BARD1: variants seen among roughly 807,000 people sequenced by gnomAD.
The protein encoded by BARD1 is BRCA1-associated RING domain protein 1.
Under a neutral mutation model 77.0 loss-of-function variants are expected in BARD1, and 73 were observed. The ratio of observed to expected loss-of-function variants is 0.95; its 90% CI spans 0.79 to 1.15. BARD1 has a LOEUF of 1.15. Ranked by LOEUF, BARD1 falls within the 50% of genes most tolerant of loss-of-function variation. The probability of loss-of-function intolerance (pLI) is 0.00; values close to 1 mark genes in which losing one functional copy is unlikely to be tolerated. For synonymous variants in BARD1, 384 were observed against 338.0 expected (o/e 1.14, Z -1.49); for missense variants, 993 against 938.8 (o/e 1.06, Z -0.75).
At chr2:214,763,706 G>C (rs2106067087) in intron 6 of BARD1, among the ~76,000 whole-genome samples, 1 of 152,300 alleles carries the variant, frequency 6.6e-6, no homozygotes. Flanking sequence ...AAGAGTAAGA[G>C]ATACAGTAAG....
At chr2:214,790,616 G>C (rs993162264) in intron 3 of BARD1, among the ~76,000 whole-genome samples, 1 of 152,116 alleles carries the variant, frequency 6.6e-6, no homozygotes, top group African/African-American at 2.4e-5. Flanking sequence ...CACTCAGTTT[G>C]TGATACTTTG....
At chr2:214,785,815 A>G (rs939525068) in intron 3 of BARD1, among the ~76,000 whole-genome samples, 6 of 152,130 alleles carry the variant, frequency 3.9e-5, no homozygotes, top group Admixed American at 2.6e-4. Flanking sequence ...GTAATTAACA[A>G]ATGATTTCAT....
chr2:214,794,585 A>ATTC (rs10664402), intron 2 of BARD1, among the ~76,000 whole-genome samples: 113,191 of 151,812 alleles, frequency 0.75, 42,349 homozygotes, highest in East Asian at 0.79. Context: ...TTTTAAATTA[A>ATTC]TTTTTTTAAA....
intron 9 of BARD1, among the ~76,000 whole-genome samples, chr2:214,742,582 G>A (rs558113377): frequency 6.6e-6 from 1 of 152,148 alleles, no homozygotes; most frequent in South Asian, 2.1e-4. Flanking sequence ...GATATTAGAG[G>A]ATGTTATTCA....
chr2:214,743,694 C>T (rs1008295702), intron 9 of BARD1, among the ~76,000 whole-genome samples: 7 of 115,726 alleles, frequency 6.0e-5, no homozygotes, highest in Non-Finnish European at 1.3e-4. Flanking sequence ...AGTGATTCTC[C>T]TGCCTCAGCC....
chr2:214,780,371 CA>C (rs1694926076), intron 4 of BARD1, among the ~76,000 whole-genome samples, 188 bp downstream of exon 4: 1 of 152,200 alleles, frequency 6.6e-6, no homozygotes, highest in African/African-American at 2.4e-5. Context: ...CGCCCAGACT[CA>C]GGGGCCACTG....
chr2:214,799,357 T>C (rs1695907856), intron 1 of BARD1, among the ~76,000 whole-genome samples: 1 of 152,204 alleles, frequency 6.6e-6, no homozygotes, highest in Admixed American at 6.5e-5. Context: ...AGCCTCTTCA[T>C]GTTTGTATCT....
intron 7 of BARD1, among the ~76,000 whole-genome samples, chr2:214,750,306 C>T (rs1441618132): frequency 6.6e-6 from 1 of 152,184 alleles, no homozygotes; most frequent in Admixed American, 6.5e-5. Context: ...GCAGACAGTC[C>T]TATTTCAGTT....
chr2:214,759,619 C>T (rs892506971), intron 6 of BARD1, among the ~76,000 whole-genome samples: 1 of 151,844 alleles, frequency 6.6e-6, no homozygotes. Flanking sequence ...AGTAAGTTGC[C>T]AGAATATTAG....
At chr2:214,759,356 G>GT (rs1693842820) in intron 6 of BARD1, among the ~76,000 whole-genome samples, 1 of 152,084 alleles carries the variant, frequency 6.6e-6, no homozygotes, top group Non-Finnish European at 1.5e-5. Context: ...TCATGTGACC[G>GT]TAAGAGCTGT....
chr2:214,751,663 A>G (rs1214909985), intron 7 of BARD1, among the ~76,000 whole-genome samples: 2 of 152,160 alleles, frequency 1.3e-5, no homozygotes, highest in Non-Finnish European at 2.9e-5. Context: ...CCTAAGCTCC[A>G]GACTTTCATA....
At chr2:214,751,236 C>A (rs988545926) in intron 7 of BARD1, among the ~76,000 whole-genome samples, 1 of 139,850 alleles carries the variant, frequency 7.2e-6, no homozygotes, top group Non-Finnish European at 1.5e-5. Flanking sequence ...CGGCTCACTG[C>A]AACCTTTACT....
At chr2:214,791,263 T>C (rs998731821) in intron 3 of BARD1, among the ~76,000 whole-genome samples, 2 of 152,230 alleles carry the variant, frequency 1.3e-5, no homozygotes, top group Non-Finnish European at 2.9e-5. Flanking sequence ...CTTAAAAATA[T>C]GGACCTGTGG....
In BARD1 at chr2:214,781,250, C is replaced by G. The variant is rs1559425523; in HGVS notation, c.624G>C (p.Lys208Asn). The change falls in exon 4 of 11, where the codon AAG (lysine) becomes AAC (asparagine). Residue 208 changes from lysine to asparagine, a missense_variant. Physicochemically the swap from Lys to Asn is moderately conservative, Grantham distance 94. Coordinates refer to ENST00000260947, the MANE Select transcript of BARD1 (RefSeq NM_000465.4). The part of the protein sequence containing the change: ...ASARSGKKQK[K>N]KTLAEINQKW... ...TTTGGTTGATTTCAGCTAAAGTTTT[C>G]TTTTTTTGCTTTTTTCCAGATCTTG... 6.3e-7 allele frequency: 1 copy of G among 1,594,590 alleles called. No individual in the cohort carries two copies. Among genetic ancestry groups the G allele is most frequent in the Non-Finnish European group, 8.5e-7 (1 of 1,175,260 alleles).
At chr2:214,799,292 C>T (rs1043757582) in intron 1 of BARD1, among the ~76,000 whole-genome samples, 32 of 152,084 alleles carry the variant, frequency 2.1e-4, no homozygotes, top group African/African-American at 7.5e-4. Context: ...CAGAGCCAGA[C>T]TCTGTCTCAA....
chr2:214,744,999 G>T, intron 9 of BARD1, 68 bp downstream of exon 9: 1 of 1,284,066 alleles, frequency 7.8e-7, no homozygotes, highest in Non-Finnish European at 1.1e-6. Context: ...TTAATCACAG[G>T]CATTAATAAC....
chr2:214,739,393 T>A (rs978703887), intron 9 of BARD1, among the ~76,000 whole-genome samples: 1 of 152,130 alleles, frequency 6.6e-6, no homozygotes, highest in Admixed American at 6.6e-5. Context: ...AAAATAAAAA[T>A]TAAAGAATTT....
At chr2:214,763,807 A>T (rs943824747) in intron 6 of BARD1, among the ~76,000 whole-genome samples, 2 of 152,174 alleles carry the variant, frequency 1.3e-5, no homozygotes, top group Non-Finnish European at 2.9e-5. Flanking sequence ...GAAGAAATAG[A>T]AGAGTAGTAA....
chr2:214,743,147 G>A (rs975036883), intron 9 of BARD1, among the ~76,000 whole-genome samples: 3 of 152,194 alleles, frequency 2.0e-5, no homozygotes, highest in African/African-American at 7.2e-5. Flanking sequence ...GGATCAGACT[G>A]CATTGGTTGA....
Sources: gnomAD v4.1 joint callset for allele counts (sites outside exome capture counted in the v4.1 genomes callset) on GRCh38, gnomAD v4.1.1 for gene constraint, MANE v1.5 for transcripts, NCBI Gene and HGNC (gene_info 2026-07-23, HGNC 2026-07-21) for gene names.